Variants in JARID2 observed in about 807,000 individuals in gnomAD.
The protein encoded by JARID2 is jumonji and AT-rich interaction domain containing 2.
Under a neutral mutation model 125.6 loss-of-function variants are expected in JARID2, and 21 were observed. The ratio of observed to expected loss-of-function variants is 0.17; its 90% CI spans 0.12 to 0.24. The LOEUF (loss-of-function observed/expected upper bound fraction) is 0.24, where lower values mean the gene tolerates loss of function less well. Among genes scored for constraint, JARID2 ranks in the 10% least tolerant of loss-of-function variants. The probability of loss-of-function intolerance (pLI) is 1.00; values close to 1 mark genes in which losing one functional copy is unlikely to be tolerated. For missense variants in JARID2, 1,303 were observed against 1,639.6 expected, an observed-to-expected ratio of 0.79 and a Z score of 3.55; for synonymous variants, 736 against 661.6, an observed-to-expected ratio of 1.11 and a Z score of -1.73.
At chr6:15,418,697 T>C (rs1319172816) in intron 3 of JARID2, among the ~76,000 whole-genome samples, 1 of 151,862 alleles carries the variant, frequency 6.6e-6, no homozygotes, top group African/African-American at 2.4e-5. Flanking sequence ...TAGGACTTAG[T>C]TTAAACACTG....
chr6:15,368,371 TTTAC>T (rs1381012432), intron 1 of JARID2, among the ~76,000 whole-genome samples: 2 of 152,118 alleles, frequency 1.3e-5, no homozygotes, highest in Non-Finnish European at 2.9e-5. Context: ...ATGCAATACT[TTTAC>T]TTACTTCCTC....
intron 3 of JARID2, among the ~76,000 whole-genome samples, chr6:15,417,235 G>T (rs769125965): frequency 6.6e-6 from 1 of 152,120 alleles, no homozygotes; most frequent in Non-Finnish European, 1.5e-5. Context: ...CAGCATAAGA[G>T]TATAGACTGG....
chr6:15,299,422 C>G (rs1220366067), intron 1 of JARID2, among the ~76,000 whole-genome samples: 1 of 152,168 alleles, frequency 6.6e-6, no homozygotes, highest in Non-Finnish European at 1.5e-5. Flanking sequence ...GGGGCAGTTT[C>G]AGAGGGAACC....
intron 1 of JARID2, among the ~76,000 whole-genome samples, chr6:15,329,597 T>C (rs1303726616): frequency 5.3e-5 from 8 of 152,210 alleles, no homozygotes; most frequent in Admixed American, 5.2e-4. Flanking sequence ...CTTTTATCTT[T>C]AATAAGCGGG....
intron 2 of JARID2, among the ~76,000 whole-genome samples, chr6:15,391,963 T>C (rs545555971): frequency 6.6e-6 from 1 of 152,236 alleles, no homozygotes; most frequent in South Asian, 2.1e-4. Context: ...AGAAGTATTC[T>C]GGAGGAAATG....
intron 1 of JARID2, among the ~76,000 whole-genome samples, chr6:15,254,980 G>A (rs1759602136): frequency 6.6e-6 from 1 of 151,396 alleles, no homozygotes; most frequent in Non-Finnish European, 1.5e-5. Flanking sequence ...GGAGGTTGCA[G>A]TGAGGTGAGT....
intron 1 of JARID2, among the ~76,000 whole-genome samples, chr6:15,249,128 A>G (rs528626947): frequency 6.6e-6 from 1 of 152,240 alleles, no homozygotes; most frequent in Non-Finnish European, 1.5e-5. Flanking sequence ...AGCGTGGTGC[A>G]TGTGTCCCCT....
In JARID2 at chr6:15,520,968, A is replaced by G; in HGVS notation, c.*717A>G. On this transcript the variant is annotated 3_prime_UTR_variant, in exon 18 of 18. Coordinates refer to ENST00000341776, the MANE Select transcript of JARID2 (RefSeq NM_004973.4). ...AGACTGCCTGCCTTGGAGGGGTCAC[A>G]TGAGGGAGACCTGTGCCTGATTTCA... 1 of 339,276 alleles carries G rather than the reference A, an allele frequency of 2.9e-6. No individual in the cohort carries two copies. The highest frequency in any genetic ancestry group is 2.1e-5 in the South Asian group (1 of 47,344). The allele number at this position is 339,276 out of a possible 1,614,324, so 21.0% of individuals were successfully genotyped here. A position where few individuals can be genotyped will look rare whatever the true frequency, so the allele number is the denominator to read the frequency against.
chr6:15,380,250 G>T (rs1764528937), intron 2 of JARID2, among the ~76,000 whole-genome samples: 1 of 152,078 alleles, frequency 6.6e-6, no homozygotes, highest in Non-Finnish European at 1.5e-5. Flanking sequence ...GGCCAGGCTG[G>T]TCTCAAACTC....
At chr6:15,379,072 C>T (rs200758040) in intron 2 of JARID2, among the ~76,000 whole-genome samples, 30 of 152,062 alleles carry the variant, frequency 2.0e-4, no homozygotes, top group Admixed American at 1.1e-3. Context: ...ATAACCTAAG[C>T]AGACATAAGA....
At chr6:15,446,881 C>T (rs899598075) in intron 3 of JARID2, among the ~76,000 whole-genome samples, 1 of 152,174 alleles carries the variant, frequency 6.6e-6, no homozygotes, top group Non-Finnish European at 1.5e-5. Context: ...AGAGACAGCT[C>T]TCACATAGGG....
intron 6 of JARID2, among the ~76,000 whole-genome samples, chr6:15,489,897 T>A (rs1052357183): frequency 1.3e-5 from 2 of 152,242 alleles, no homozygotes; most frequent in Non-Finnish European, 2.9e-5. Flanking sequence ...CCTCCTTCCC[T>A]GTTCCAGTCT....
intron 5 of JARID2, among the ~76,000 whole-genome samples, chr6:15,478,510 T>G (rs1385861655): frequency 6.6e-6 from 1 of 151,900 alleles, no homozygotes; most frequent in Non-Finnish European, 1.5e-5. Context: ...ATGGGATGCG[T>G]TCTGGTCTAA....
chr6:15,313,889 G>A lies in JARID2; in HGVS notation c.46-60228G>A, dbSNP rs116421115. Among the ~76,000 whole-genome samples the A allele has an allele frequency of 2.4e-3, 364 of 152,222 alleles. 1 individual carries two copies. The highest frequency in any genetic ancestry group is 4.1e-3 in the Non-Finnish European group (281 of 68,008). On this transcript the variant is annotated intron_variant, in intron 1 of 17. Coordinates refer to ENST00000341776, the MANE Select transcript of JARID2 (RefSeq NM_004973.4). ...CTTGGGCCTAGGAGAGTAGACATTG[G>A]TAATTACCTTTGGCCTGTGTCTCCC...
intron 1 of JARID2, among the ~76,000 whole-genome samples, chr6:15,290,554 G>C (rs1761166497): frequency 6.6e-6 from 1 of 152,174 alleles, no homozygotes; most frequent in South Asian, 2.1e-4. Flanking sequence ...TCTGTACACA[G>C]TTTGTAGGGT....
At chr6:15,383,149 A>G (rs1764653623) in intron 2 of JARID2, among the ~76,000 whole-genome samples, 1 of 151,918 alleles carries the variant, frequency 6.6e-6, no homozygotes, top group Non-Finnish European at 1.5e-5. Flanking sequence ...AAATGGATGG[A>G]AATTTGTTGT....
intron 1 of JARID2, among the ~76,000 whole-genome samples, chr6:15,295,542 G>A (rs1483935023): frequency 6.6e-6 from 1 of 152,160 alleles, no homozygotes; most frequent in East Asian, 1.9e-4. Flanking sequence ...GTGATGTAAT[G>A]GAAAGAATAC....
intron 3 of JARID2, among the ~76,000 whole-genome samples, chr6:15,417,739 C>CT (rs1324776038): frequency 6.6e-6 from 1 of 151,496 alleles, no homozygotes; most frequent in East Asian, 1.9e-4. Context: ...CAGACTCTGT[C>CT]TCAAAAAAAA....
intron 4 of JARID2, among the ~76,000 whole-genome samples, chr6:15,462,824 A>T (rs1196478940): frequency 2.0e-5 from 3 of 152,230 alleles, no homozygotes; most frequent in Admixed American, 1.3e-4. Context: ...TGTGTACATG[A>T]TTCATAGAGA....
Sources: allele counts gnomAD v4.1 joint callset (sites outside exome capture counted in the v4.1 genomes callset), GRCh38; gene constraint gnomAD v4.1.1; transcripts MANE v1.5; gene names NCBI Gene and HGNC (gene_info 2026-07-23, HGNC 2026-07-21).